Variants in RIMS1 observed in about 807,000 individuals in gnomAD.
The protein encoded by RIMS1 is regulating synaptic membrane exocytosis 1, also known as regulating synaptic membrane exocytosis protein 1.
In RIMS1, 83 loss-of-function variants were observed where a neutral mutation model predicts 214.1. The ratio of observed to expected loss-of-function variants is 0.39; its 90% CI spans 0.32 to 0.47. The LOEUF (loss-of-function observed/expected upper bound fraction) is 0.47. RIMS1 is among the 20% of genes least tolerant of loss of function. RIMS1 has a pLI of 0.99. For missense variants in RIMS1, 2,050 were observed against 2,161.8 expected, an observed-to-expected ratio of 0.95 and a Z score of 1.03; for synonymous variants, 793 against 786.8, an observed-to-expected ratio of 1.01 and a Z score of -0.13.
chr6:72,313,732 T>C, intron 28 of RIMS1, 60 bp downstream of exon 28: 4 of 1,469,388 alleles, frequency 2.7e-6, no homozygotes, highest in Non-Finnish European at 3.7e-6. Context: ...AAAATACAAC[T>C]AGCTTCCTGA....
chr6:71,972,457 AT>A (rs2151384345), intron 2 of RIMS1, among the ~76,000 whole-genome samples: 1 of 152,332 alleles, frequency 6.6e-6, no homozygotes, highest in African/African-American at 2.4e-5. Flanking sequence ...TAGTACTCAT[AT>A]CACTTGGTGT....
At position 72,248,143 on chromosome 6, in the gene RIMS1, A is replaced by C; in HGVS notation, c.2241+16A>C. On this transcript the variant is annotated intron_variant, in intron 12 of 33. Transcript: ENST00000521978. ...GCAACTTTCTGTATGTATTTTTTGT[A>C]CATGTTGGAGGCTGTTAGTATTTGC... 3 of 1,538,146 alleles carry C rather than the reference A, an allele frequency of 2.0e-6. No individual in the cohort carries two copies. Among genetic ancestry groups the C allele is most frequent in the Non-Finnish European group, 2.7e-6 (3 of 1,113,564 alleles).
intron 27 of RIMS1, among the ~76,000 whole-genome samples, chr6:72,308,992 T>A (rs1423471193): frequency 6.6e-6 from 1 of 152,172 alleles, no homozygotes; most frequent in East Asian, 1.9e-4. Context: ...TGCAGTTATT[T>A]GAAAGTTTCT....
chr6:72,096,957 A>G lies in RIMS1; in HGVS notation c.254A>G (p.His85Arg), dbSNP rs1434034558. The G allele has an allele frequency of 6.2e-7, 1 of 1,613,152 alleles. No individual in the cohort carries two copies. The highest frequency in any genetic ancestry group is 8.5e-7 in the Non-Finnish European group (1 of 1,179,434). ...TTTTCTCTTTTGCCTAGGAGATTGC[A>G]TCAACAGTTTGAAAGCTATAAGGAA... is the stretch of plus-strand genomic sequence containing the variant. Reference protein sequence around the residue: ...NQPHQPSPRLHQQFESYKEQV... With the variant: ...NQPHQPSPRLRQQFESYKEQV... Residue 85 changes from histidine to arginine, a missense_variant, in exon 3 of 34, where the codon CAT (histidine) becomes CGT (arginine). Physicochemically the swap from His to Arg is conservative, Grantham distance 29. Coordinates refer to ENST00000521978, the MANE Select transcript of RIMS1 (RefSeq NM_014989.7).
chr6:72,018,670 T>C (rs913779397), intron 2 of RIMS1, among the ~76,000 whole-genome samples: 4 of 152,056 alleles, frequency 2.6e-5, no homozygotes, highest in Non-Finnish European at 5.9e-5. Flanking sequence ...GTGGGACATT[T>C]CTCCATTTAG....
Position 72,160,839 on chromosome 6 carries a change from A to G in RIMS1, c.472-18736A>G, listed in dbSNP as rs1394410966. The stretch of plus-strand genomic sequence containing the variant: ...TGTTCATCAGGGATATTGGTCTGAA[A>G]TTCTCTTTTTTTGTTGTGTCTCTGC... On this transcript the variant is annotated intron_variant, in intron 4 of 33. Transcript: ENST00000521978. Among the ~76,000 whole-genome samples the G allele has an allele frequency of 2.1e-5, 3 of 140,234 alleles. 1 individual carries two copies. The East Asian group carries it at 6.1e-4, about 28-fold the overall frequency. 92.0% of individuals were successfully genotyped at this position (140,234 alleles called of 152,430 possible). A position where few individuals can be genotyped will look rare whatever the true frequency, so the allele number is the denominator to read the frequency against.
chr6:72,235,866 A>T (rs1418568542), intron 8 of RIMS1, 138 bp downstream of exon 8: 1 of 394,046 alleles, frequency 2.5e-6, no homozygotes, highest in African/African-American at 2.2e-5. Context: ...TAGATATGTT[A>T]GGAAAATTGA....
At chr6:72,001,612 A>G (rs1805287604) in intron 2 of RIMS1, among the ~76,000 whole-genome samples, 1 of 152,218 alleles carries the variant, frequency 6.6e-6, no homozygotes, top group African/African-American at 2.4e-5. Context: ...ATAAGCATAA[A>G]GAAGGATGGG....
Position 71,960,900 on chromosome 6 carries a change from A to G in RIMS1, c.165-8083A>G, listed in dbSNP as rs562917109. ...GGGTACTCAAGAAGAAGTGAAAAAA[A>G]AATTTTTTTTTTGCACCCAACAAGC... is the stretch of plus-strand genomic sequence containing the variant. On this transcript the variant is annotated intron_variant, in intron 1 of 33. Transcript: ENST00000521978. Among the ~76,000 whole-genome samples, 7 of 152,168 alleles carry G rather than the reference A, an allele frequency of 4.6e-5. No homozygotes were observed. The East Asian group carries it at 1.2e-3, about 25-fold the overall frequency.
At chr6:72,200,585 C>T (rs1023505804) in intron 6 of RIMS1, among the ~76,000 whole-genome samples, 3 of 152,140 alleles carry the variant, frequency 2.0e-5, no homozygotes, top group Non-Finnish European at 2.9e-5. Flanking sequence ...TTTTACCTGG[C>T]CTGACTTTTT....
At chr6:72,026,466 C>T (rs1191587364) in intron 2 of RIMS1, among the ~76,000 whole-genome samples, 1 of 99,556 alleles carries the variant, frequency 1.0e-5, no homozygotes, top group Non-Finnish European at 2.2e-5. Flanking sequence ...CCCCCCCCCC[C>T]AACTTTTTTT....
chr6:72,258,245 A>G lies in RIMS1; in HGVS notation c.2891A>G (p.Lys964Arg), dbSNP rs1264320896. Residue 964 changes from lysine (K) to arginine (R), a missense_variant, in exon 17 of 34, where the codon AAG becomes AGG. Physicochemically the swap from Lys to Arg is conservative, Grantham distance 26. Around this residue, in one of 6 missense-constraint regions of RIMS1, gnomAD observed 889 missense variants for 885.5 expected, o/e 1.00. Transcript: ENST00000521978. The part of the protein sequence containing the change: ...VSPHRGNDQG[K>R]PRSRLPNVPL... The stretch of plus-strand genomic sequence containing the variant: ...CCTCATCGCGGCAATGATCAGGGAA[A>G]GCCGCGTTCACGTTTACCAAATGTG... The G allele has an allele frequency of 6.2e-7, 1 of 1,613,476 alleles. No homozygotes were observed. Among genetic ancestry groups the G allele is most frequent in the East Asian group, 2.2e-5 (1 of 44,856 alleles).
At chr6:72,108,040 A>G (rs1366453270) in intron 4 of RIMS1, among the ~76,000 whole-genome samples, 1 of 151,952 alleles carries the variant, frequency 6.6e-6, no homozygotes, top group Non-Finnish European at 1.5e-5. Flanking sequence ...TGTTTTTGAG[A>G]CAGGGTCTCA....
chr6:72,343,017 G>A (rs2097147687), intron 29 of RIMS1, among the ~76,000 whole-genome samples: 2 of 151,834 alleles, frequency 1.3e-5, no homozygotes, highest in East Asian at 1.9e-4. Context: ...GAAATTAATT[G>A]GTATGAATAA....
intron 2 of RIMS1, among the ~76,000 whole-genome samples, chr6:72,039,623 C>T (rs1820862183): frequency 1.3e-5 from 2 of 152,076 alleles, no homozygotes; most frequent in African/African-American, 4.8e-5. Context: ...CCAAGACTCT[C>T]TGTGATCCAA....
chr6:72,253,180 T>G (rs1232271468), intron 16 of RIMS1, among the ~76,000 whole-genome samples: 2 of 152,166 alleles, frequency 1.3e-5, no homozygotes, highest in African/African-American at 2.4e-5. Flanking sequence ...ATATTTGCAT[T>G]TCTATGATTT....
At chr6:71,942,877 G>A (rs979798148) in intron 1 of RIMS1, among the ~76,000 whole-genome samples, 10 of 152,082 alleles carry the variant, frequency 6.6e-5, no homozygotes, top group African/African-American at 2.2e-4. Flanking sequence ...AGTGAAAAAT[G>A]TGTACAAATA....
intron 23 of RIMS1, among the ~76,000 whole-genome samples, chr6:72,274,855 A>G (rs561491703): frequency 6.6e-6 from 1 of 152,154 alleles, no homozygotes; most frequent in Admixed American, 6.5e-5. Context: ...ACACTTGTTA[A>G]CAATGAAGTT....
intron 2 of RIMS1, among the ~76,000 whole-genome samples, chr6:72,090,814 C>G (rs1836014652): frequency 6.6e-6 from 1 of 152,112 alleles, no homozygotes; most frequent in African/African-American, 2.4e-5. Flanking sequence ...TATAAACAAG[C>G]CTCCAACCTA....
Sources: gnomAD v4.1 joint callset for allele counts (sites outside exome capture counted in the v4.1 genomes callset) on GRCh38, gnomAD v4.1.1 for gene constraint, gnomAD v4.1.1 regional missense constraint, MANE v1.5 for transcripts, NCBI Gene and HGNC (gene_info 2026-07-23, HGNC 2026-07-21) for gene names.